C3orf49: variants seen among roughly 807,000 people sequenced by gnomAD.
The protein encoded by C3orf49 is putative uncharacterized protein C3orf49.
In C3orf49, 27 loss-of-function variants were observed where a neutral mutation model predicts 13.3. That is an observed-to-expected ratio of 2.02 (90% confidence interval 1.49 to 2.79). The LOEUF is 2.79. C3orf49 is among the 30% of genes most tolerant of loss of function. The pLI is 0.00. For synonymous variants in C3orf49, 87 were observed against 47.6 expected, an observed-to-expected ratio of 1.83 and a Z score of -3.40; for missense variants, 242 against 134.2, an observed-to-expected ratio of 1.80 and a Z score of -3.97.
chr3:63,842,395 CA>C (rs978082677), intron 5 of C3orf49, among the ~76,000 whole-genome samples: 5 of 152,026 alleles, frequency 3.3e-5, no homozygotes, highest in African/African-American at 1.2e-4. Context: ...TTATGGAAAA[CA>C]AAATGAAGAG....
chr3:63,829,730 AAGGG>A (rs1329783554), intron 3 of C3orf49, among the ~76,000 whole-genome samples: 1 of 151,986 alleles, frequency 6.6e-6, no homozygotes, highest in Non-Finnish European at 1.5e-5. Flanking sequence ...GGAGGCTGGT[AAGGG>A]AGGATCTCTT....
the C3orf49 span, among the ~76,000 whole-genome samples, chr3:63,805,849 G>A: frequency 5.9e-5 from 9 of 152,286 alleles, no homozygotes; most frequent in African/African-American, 2.2e-4. Context: ...CAGAACAAAG[G>A]CAACCAGTGC....
chr3:63,843,626 C>T (rs560215749), intron 5 of C3orf49, among the ~76,000 whole-genome samples: 7 of 151,852 alleles, frequency 4.6e-5, no homozygotes, highest in East Asian at 2.0e-4. Flanking sequence ...GTGGGCTGGG[C>T]GTGGTGGCTC....
In C3orf49 at chr3:63,819,360, A is replaced by C; in HGVS notation, c.-112A>C. 1 of 611,632 alleles carries C rather than the reference A, an allele frequency of 1.6e-6. No homozygotes were observed. 37.9% of individuals were successfully genotyped at this position (611,632 alleles called of 1,614,324 possible). Reference sequence around the variant, plus strand: ...AAAATTTCCTACATATTTTATTCCGAATAGCCCACACCTTGACAGTACATT... The same window carrying C: ...AAAATTTCCTACATATTTTATTCCGCATAGCCCACACCTTGACAGTACATT... On this transcript the variant is annotated 5_prime_UTR_variant, in exon 1 of 7. Coordinates refer to ENST00000295896, the MANE Select transcript of C3orf49 (RefSeq NM_001355236.2).
upstream of C3orf49, among the ~76,000 whole-genome samples, chr3:63,815,771 C>CTTTTTTTTTTTTTTTTT (rs1227837780): frequency 7.3e-6 from 1 of 136,576 alleles, no homozygotes; most frequent in African/African-American, 2.8e-5. Context: ...TCTTTTCTTT[C>CTTTTTTTTTTTTTTTTT]TTTTTTTTTT....
chr3:63,788,790 A>G, the C3orf49 span, among the ~76,000 whole-genome samples: 8 of 152,094 alleles, frequency 5.3e-5, no homozygotes, highest in African/African-American at 1.9e-4. Flanking sequence ...CAGGGTCACA[A>G]AGCTAGAAAC....
intron 5 of C3orf49, among the ~76,000 whole-genome samples, 182 bp from the exon 6 acceptor site, chr3:63,844,841 T>G (rs1701852561): frequency 6.6e-6 from 1 of 152,188 alleles, no homozygotes; most frequent in Admixed American, 6.5e-5. Context: ...GCTTATAAAT[T>G]ACCCATTCTC....
chr3:63,840,081 G>C (rs1286609463), intron 5 of C3orf49, among the ~76,000 whole-genome samples: 1 of 152,148 alleles, frequency 6.6e-6, no homozygotes, highest in Non-Finnish European at 1.5e-5. Flanking sequence ...CATCGTTACA[G>C]AGTTGGCAGT....
chr3:63,834,547 C>A (rs1156335914), intron 5 of C3orf49, among the ~76,000 whole-genome samples: 1 of 151,620 alleles, frequency 6.6e-6, no homozygotes, highest in Non-Finnish European at 1.5e-5. Context: ...GTAATTCCAG[C>A]TACTAGGGAG....
chr3:63,844,515 A>T (rs1701844561), intron 5 of C3orf49, among the ~76,000 whole-genome samples: 1 of 152,234 alleles, frequency 6.6e-6, no homozygotes, highest in Admixed American at 6.5e-5. Flanking sequence ...ATAAAAAAGA[A>T]GGAAGTTTAA....
At chr3:63,845,835 T>C (rs1228873215) in intron 6 of C3orf49, among the ~76,000 whole-genome samples, 1 of 152,212 alleles carries the variant, frequency 6.6e-6, no homozygotes, top group African/African-American at 2.4e-5. Flanking sequence ...ATAAGGTTTC[T>C]GGTTCTGGAA....
the C3orf49 span, among the ~76,000 whole-genome samples, chr3:63,799,088 T>C: frequency 6.6e-6 from 1 of 152,156 alleles, no homozygotes; most frequent in Non-Finnish European, 1.5e-5. Context: ...TGTTATGATA[T>C]CTGATTCCTG....
the C3orf49 span, among the ~76,000 whole-genome samples, chr3:63,802,119 T>G: frequency 2.1e-4 from 32 of 152,302 alleles, no homozygotes; most frequent in Middle Eastern, 6.8e-3. Context: ...CCACTTATGT[T>G]GCTCAATGAC....
chr3:63,784,506 A>T, the C3orf49 span, among the ~76,000 whole-genome samples: 3 of 152,068 alleles, frequency 2.0e-5, no homozygotes, highest in Admixed American at 6.5e-5. Flanking sequence ...TCTACTAAAA[A>T]AATATATAAA....
chr3:63,843,103 C>G (rs1264252757), intron 5 of C3orf49, among the ~76,000 whole-genome samples: 1 of 148,224 alleles, frequency 6.7e-6, no homozygotes, highest in African/African-American at 2.5e-5. Flanking sequence ...CTCCAAAAAC[C>G]GTATGTATAT....
the C3orf49 span, among the ~76,000 whole-genome samples, chr3:63,788,457 A>G: frequency 6.6e-6 from 1 of 152,136 alleles, no homozygotes; most frequent in Non-Finnish European, 1.5e-5. Flanking sequence ...GGTGGGTGAA[A>G]ACGTTGTTAC....
At chr3:63,807,459 G>A in the C3orf49 span, among the ~76,000 whole-genome samples, 2 of 152,178 alleles carry the variant, frequency 1.3e-5, no homozygotes, top group East Asian at 3.9e-4. Flanking sequence ...GCAGAGTTGG[G>A]ATTTGAACCC....
intron 5 of C3orf49, among the ~76,000 whole-genome samples, 178 bp from the exon 6 acceptor site, chr3:63,844,845 C>G (rs1701852683): frequency 6.6e-6 from 1 of 152,178 alleles, no homozygotes; most frequent in Non-Finnish European, 1.5e-5. Context: ...ATAAATTACC[C>G]ATTCTCTGGT....
chr3:63,837,991 G>T, intron 5 of C3orf49: 1 of 1,606,646 alleles, frequency 6.2e-7, no homozygotes, highest in African/African-American at 1.3e-5. Context: ...CGATTTTTTC[G>T]TATTCGTTTT....
Sources: gnomAD v4.1 joint callset for allele counts (sites outside exome capture counted in the v4.1 genomes callset) on GRCh38, gnomAD v4.1.1 for gene constraint, MANE v1.5 for transcripts, NCBI Gene and HGNC (gene_info 2026-07-23, HGNC 2026-07-21) for gene names.